The following LHFPL3 variants were observed in gnomAD, a reference collection of about 807,000 sequenced individuals.
LHFPL3 encodes the protein LHFPL tetraspan subfamily member 3 protein.
Under a neutral mutation model 19.3 loss-of-function variants are expected in LHFPL3, and 5 were observed. That is an observed-to-expected ratio of 0.26 (90% CI 0.14 to 0.54). LHFPL3 has a LOEUF of 0.54. LHFPL3 is among the 20% of genes least tolerant of loss of function. The pLI is 0.94. For synonymous variants in LHFPL3, 133 were observed against 126.2 expected (o/e 1.05, Z -0.36); for missense variants, 249 against 307.4 (o/e 0.81, Z 1.42).
chr7:104,669,212 C>T, intron 1 of LHFPL3: 4 of 1,613,974 alleles, frequency 2.5e-6, no homozygotes, highest in East Asian at 2.2e-5. Context: ...AGTTCTAACC[C>T]TCCTGCTCGA....
chr7:104,821,590 C>T (rs1790677038), intron 2 of LHFPL3, among the ~76,000 whole-genome samples: 1 of 152,176 alleles, frequency 6.6e-6, no homozygotes, highest in Admixed American at 6.5e-5. Context: ...TTCTAGAAGA[C>T]AAAGATCGGA....
rs144677402 is a variant in LHFPL3 at position 104,902,631 on chromosome 7, A to G, written c.683-3556A>G. Among the ~76,000 whole-genome samples, 291 of 151,270 alleles carry G rather than the reference A, an allele frequency of 1.9e-3. 2 individuals are homozygous for G. Among genetic ancestry groups the G allele is most frequent in the African/African-American group, 6.9e-3 (283 of 41,122 alleles). ...GTGAAACCCCATCTGTACTAAAAAT[A>G]AAAAATTAGCTGGGCATGGTGGCGC... On this transcript the variant is annotated intron_variant, in intron 2 of 2. Coordinates refer to ENST00000424859, the MANE Select transcript of LHFPL3 (RefSeq NM_199000.3).
At chr7:104,609,481 C>A (rs1406083031) in intron 1 of LHFPL3, among the ~76,000 whole-genome samples, 1 of 152,120 alleles carries the variant, frequency 6.6e-6, no homozygotes, top group African/African-American at 2.4e-5. Flanking sequence ...GAAACATTTT[C>A]TTCTGTTTAA....
At chr7:104,848,888 T>G (rs1370376816) in intron 2 of LHFPL3, among the ~76,000 whole-genome samples, 1 of 152,046 alleles carries the variant, frequency 6.6e-6, no homozygotes, top group Non-Finnish European at 1.5e-5. Flanking sequence ...TCTGCCTTTT[T>G]TTGTTTTTTT....
chr7:104,607,271 C>T (rs1040364480), intron 1 of LHFPL3, among the ~76,000 whole-genome samples: 2 of 152,202 alleles, frequency 1.3e-5, no homozygotes, highest in African/African-American at 4.8e-5. Flanking sequence ...GTGTGGAGGT[C>T]AGAGGCAAGA....
At chr7:104,531,956 C>T (rs1794302878) in intron 1 of LHFPL3, among the ~76,000 whole-genome samples, 1 of 152,038 alleles carries the variant, frequency 6.6e-6, no homozygotes, top group African/African-American at 2.4e-5. Flanking sequence ...ACTGGGCACA[C>T]GAGAAGCCAT....
intron 1 of LHFPL3, among the ~76,000 whole-genome samples, chr7:104,694,815 G>A (rs1009903940): frequency 1.1e-4 from 16 of 152,254 alleles, no homozygotes; most frequent in Non-Finnish European, 1.9e-4. Flanking sequence ...AGCACAGCAA[G>A]AAGGGTCTGT....
At chr7:104,423,341 G>A (rs1250258440) in intron 1 of LHFPL3, among the ~76,000 whole-genome samples, 1 of 152,022 alleles carries the variant, frequency 6.6e-6, no homozygotes. Flanking sequence ...GGCCAGATGT[G>A]GTTGCTCACA....
At chr7:104,742,875 A>G (rs186272834) in intron 2 of LHFPL3, among the ~76,000 whole-genome samples, 55 of 152,018 alleles carry the variant, frequency 3.6e-4, no homozygotes, top group Non-Finnish European at 6.5e-4. Context: ...GTCAAAGGGG[A>G]TGGGAGGCCG....
At chr7:104,560,137 T>C (rs1365310305) in intron 1 of LHFPL3, among the ~76,000 whole-genome samples, 2 of 143,320 alleles carry the variant, frequency 1.4e-5, no homozygotes, top group Non-Finnish European at 3.0e-5. Context: ...TGGTCTAAAA[T>C]TCTCTTTTTT....
At chr7:104,678,994 A>G (rs990534492) in intron 1 of LHFPL3, among the ~76,000 whole-genome samples, 2 of 152,254 alleles carry the variant, frequency 1.3e-5, no homozygotes, top group Non-Finnish European at 2.9e-5. Context: ...TGTGCATTTT[A>G]TTAGTTATTT....
intron 1 of LHFPL3, among the ~76,000 whole-genome samples, chr7:104,426,289 C>T (rs1163743981): frequency 2.6e-5 from 4 of 151,668 alleles, no homozygotes; most frequent in Non-Finnish European, 5.9e-5. Context: ...GGAGTTTTGC[C>T]CTTGTTGCCC....
At chr7:104,743,651 T>G (rs888162810) in intron 2 of LHFPL3, among the ~76,000 whole-genome samples, 4 of 152,222 alleles carry the variant, frequency 2.6e-5, no homozygotes, top group African/African-American at 9.7e-5. Flanking sequence ...CATTGATCTC[T>G]GCAATAACCC....
intron 1 of LHFPL3, among the ~76,000 whole-genome samples, chr7:104,485,497 C>T (rs1326850507): frequency 6.7e-6 from 1 of 150,074 alleles, no homozygotes; most frequent in East Asian, 1.9e-4. Context: ...ATACTTTGTG[C>T]ACCTTTTATC....
chr7:104,500,665 T>G (rs1793582925), intron 1 of LHFPL3, among the ~76,000 whole-genome samples: 1 of 152,210 alleles, frequency 6.6e-6, no homozygotes. Flanking sequence ...TTCACATCTT[T>G]TGCACTTTTA....
chr7:104,543,932 T>A (rs1040204756), intron 1 of LHFPL3, among the ~76,000 whole-genome samples: 1 of 148,382 alleles, frequency 6.7e-6, no homozygotes, highest in Non-Finnish European at 1.5e-5. Context: ...ATAATAATAA[T>A]AAAACCTAGA....
At chr7:104,742,566 G>A (rs541097726) in intron 2 of LHFPL3, among the ~76,000 whole-genome samples, 2 of 152,288 alleles carry the variant, frequency 1.3e-5, no homozygotes, top group Admixed American at 6.5e-5. Context: ...TTGTCCACTT[G>A]GATCAAGCTG....
intron 1 of LHFPL3, among the ~76,000 whole-genome samples, chr7:104,707,108 TA>T (rs748831701): frequency 7.2e-5 from 11 of 152,180 alleles, no homozygotes; most frequent in Non-Finnish European, 1.3e-4. Context: ...CAACCACATC[TA>T]AAGCACCACC....
intron 1 of LHFPL3, among the ~76,000 whole-genome samples, chr7:104,423,298 G>T (rs747533065): frequency 1.9e-4 from 29 of 152,224 alleles, no homozygotes; most frequent in Admixed American, 1.4e-3. Context: ...ATCCAACTTG[G>T]TCTGGCCATG....
Sources: gnomAD v4.1 joint callset for allele counts (sites outside exome capture counted in the v4.1 genomes callset) on GRCh38, gnomAD v4.1.1 for gene constraint, MANE v1.5 for transcripts, NCBI Gene and HGNC (gene_info 2026-07-23, HGNC 2026-07-21) for gene names.